Variants in APP observed in about 807,000 individuals in gnomAD.
The protein encoded by APP is amyloid-beta precursor protein.
A neutral mutation model predicts 101.4 loss-of-function variants in APP; 31 were observed. The ratio of observed to expected loss-of-function variants is 0.31; its 90% CI spans 0.23 to 0.41. The LOEUF (loss-of-function observed/expected upper bound fraction) is 0.41, where lower values mean the gene tolerates loss of function less well. Ranked by LOEUF, APP falls within the 10% of genes least tolerant of loss-of-function variation. The pLI is 1.00. For synonymous variants in APP, 366 were observed against 364.4 expected (o/e 1.00, Z -0.05); for missense variants, 839 against 1,003.7 (o/e 0.84, Z 2.22).
intron 6 of APP, 118 bp downstream of exon 6, chr21:26,021,721 GA>G (rs568368711): frequency 2.3e-5 from 31 of 1,374,756 alleles, no homozygotes; most frequent in Non-Finnish European, 2.5e-5. Flanking sequence ...AAGCCTTTTG[GA>G]AAAAAAAACA....
At chr21:26,034,246 C>T (rs746087083) in intron 5 of APP, among the ~76,000 whole-genome samples, 6 of 152,150 alleles carry the variant, frequency 3.9e-5, no homozygotes, top group Non-Finnish European at 7.3e-5. Context: ...TCCTTCCTTC[C>T]CCTCTCTCTC....
chr21:25,938,598 T>C (rs549004807), intron 13 of APP, among the ~76,000 whole-genome samples: 1 of 151,642 alleles, frequency 6.6e-6, no homozygotes, highest in South Asian at 2.1e-4. Flanking sequence ...TCTGTAGGTC[T>C]GAGGTAGAGC....
chr21:25,915,243 T>G (rs898257631), intron 13 of APP, among the ~76,000 whole-genome samples: 1 of 152,214 alleles, frequency 6.6e-6, no homozygotes, highest in African/African-American at 2.4e-5. Flanking sequence ...TGTTTTCTAT[T>G]CCTGCTATCT....
At chr21:26,005,234 C>T (rs77183938) in intron 6 of APP, among the ~76,000 whole-genome samples, 2 of 151,920 alleles carry the variant, frequency 1.3e-5, no homozygotes, top group East Asian at 1.9e-4. Flanking sequence ...GTCAACATGG[C>T]GAAACCCTGT....
intron 11 of APP, among the ~76,000 whole-genome samples, chr21:25,957,469 C>T (rs915172972): frequency 5.3e-5 from 8 of 152,264 alleles, no homozygotes; most frequent in South Asian, 2.1e-4. Flanking sequence ...CAACCACCCT[C>T]GATGCTTGCT....
At chr21:26,055,857 G>C (rs917482541) in intron 3 of APP, among the ~76,000 whole-genome samples, 3 of 137,716 alleles carry the variant, frequency 2.2e-5, no homozygotes, top group Non-Finnish European at 3.3e-5. Context: ...AGATACACTC[G>C]ACCTTGGCCT....
chr21:26,068,008 T>A (rs1182465286), intron 3 of APP: 1 of 151,996 alleles, frequency 6.6e-6, no homozygotes, highest in Non-Finnish European at 1.5e-5. Context: ...AACCACATAA[T>A]TGCCGACAAA....
intron 15 of APP, among the ~76,000 whole-genome samples, chr21:25,904,390 T>A (rs977556786): frequency 6.6e-6 from 1 of 152,252 alleles, no homozygotes; most frequent in East Asian, 1.9e-4. Context: ...ATGGGATTTT[T>A]AAGTAATACA....
At chr21:25,986,751 T>C (rs1317580648) in intron 8 of APP, among the ~76,000 whole-genome samples, 1 of 152,018 alleles carries the variant, frequency 6.6e-6, no homozygotes, top group African/African-American at 2.4e-5. Context: ...ATGTTGGCAC[T>C]CCGTCTCAAA....
chr21:26,079,113 CGAT>C (rs1280930393), intron 3 of APP, among the ~76,000 whole-genome samples: 1 of 150,788 alleles, frequency 6.6e-6, no homozygotes, highest in Non-Finnish European at 1.5e-5. Flanking sequence ...GAAAATGACA[CGAT>C]GAGAAGAGGG....
chr21:25,940,286 A>C (rs2040521791), intron 13 of APP, among the ~76,000 whole-genome samples: 1 of 152,142 alleles, frequency 6.6e-6, no homozygotes, highest in African/African-American at 2.4e-5. Context: ...ATCAGGTGAC[A>C]AGCAGAAGTG....
At chr21:25,906,170 T>A (rs548426358) in intron 14 of APP, among the ~76,000 whole-genome samples, 1 of 152,112 alleles carries the variant, frequency 6.6e-6, no homozygotes, top group Non-Finnish European at 1.5e-5. Flanking sequence ...CACATGTTAA[T>A]AGAAACAGTG....
At chr21:26,000,215 G>A (rs745441127) in intron 6 of APP, 33 bp from the exon 7 acceptor site, 3 of 1,611,146 alleles carry the variant, frequency 1.9e-6, no homozygotes, top group Non-Finnish European at 2.5e-6. Context: ...ACCACATTTA[G>A]CATGAAAAGG....
Position 25,958,499 on chromosome 21 carries a change from C to G in APP, c.1459-2744G>C, listed in dbSNP as rs1005848050. 4.6e-5 allele frequency among the ~76,000 whole-genome samples: 7 copies of G among 152,174 alleles called. No individual in the cohort carries two copies. In the South Asian group the frequency reaches 8.3e-4, roughly 18 times the overall value. On this transcript the variant is annotated intron_variant, in intron 11 of 17. Transcript: ENST00000346798. ...TCGCCATGTTAGCCAGGATGGTCTC[C>G]ATCTCCTGACCTCGTGATCTGCCCG...
chr21:25,902,604 T>C (rs2038563581), intron 15 of APP, among the ~76,000 whole-genome samples: 1 of 146,242 alleles, frequency 6.8e-6, no homozygotes, highest in Non-Finnish European at 1.5e-5. Context: ...CTGAATAGAA[T>C]TGTTCCCTTC....
intron 17 of APP, among the ~76,000 whole-genome samples, chr21:25,885,588 C>G (rs138016014): frequency 2.0e-5 from 3 of 152,194 alleles, no homozygotes; most frequent in Non-Finnish European, 2.9e-5. Flanking sequence ...AGGAAATGAT[C>G]TGAGGTCTTC....
In APP at chr21:26,118,117, A is replaced by G. The variant is rs189600645; in HGVS notation, c.58-5971T>C. On this transcript the variant is annotated intron_variant, in intron 1 of 17. Coordinates refer to ENST00000346798, the MANE Select transcript of APP (RefSeq NM_000484.4). ...GTTCTCAAGTTGACCCAAAACTCCT[A>G]CCCACTCATAAGAAGGCCAGTAAGT... Among the ~76,000 whole-genome samples the G allele has an allele frequency of 3.3e-4, 50 of 152,278 alleles. 1 individual carries two copies. The highest frequency in any genetic ancestry group is 1.1e-3 in the African/African-American group (45 of 41,562).
At chr21:25,985,080 A>G (rs961688184) in intron 8 of APP, among the ~76,000 whole-genome samples, 6 of 152,240 alleles carry the variant, frequency 3.9e-5, no homozygotes, top group Non-Finnish European at 7.3e-5. Flanking sequence ...TGGCCTAAGT[A>G]GAAATGCACT....
intron 13 of APP, among the ~76,000 whole-genome samples, chr21:25,950,163 A>T (rs889897153): frequency 1.3e-5 from 2 of 152,124 alleles, no homozygotes; most frequent in Non-Finnish European, 2.9e-5. Flanking sequence ...GCGGTCCTGT[A>T]CCTCAACGGG....
Sources: allele counts gnomAD v4.1 joint callset (sites outside exome capture counted in the v4.1 genomes callset), GRCh38; gene constraint gnomAD v4.1.1; transcripts MANE v1.5; gene names NCBI Gene and HGNC (gene_info 2026-07-23, HGNC 2026-07-21).